Variants in NRG3 observed in about 807,000 individuals in gnomAD.
The protein encoded by NRG3 is pro-neuregulin-3, membrane-bound isoform.
A neutral mutation model predicts 66.9 loss-of-function variants in NRG3; 31 were observed. That is an observed-to-expected ratio of 0.46 (90% confidence interval 0.35 to 0.63). The LOEUF (loss-of-function observed/expected upper bound fraction) is 0.63, where lower values mean the gene tolerates loss of function less well. Ranked by LOEUF, NRG3 falls within the 20% of genes least tolerant of loss-of-function variation. The pLI is 0.00. For missense variants in NRG3, 910 were observed against 878.9 expected (o/e 1.04, Z -0.45); for synonymous variants, 393 against 359.4 (o/e 1.09, Z -1.06).
intron 1 of NRG3, among the ~76,000 whole-genome samples, chr10:82,275,754 A>G (rs1414585969): frequency 1.3e-5 from 2 of 152,044 alleles, no homozygotes; most frequent in Non-Finnish European, 2.9e-5. Context: ...TCTTAAAGAT[A>G]TAATTGGAGT....
At chr10:82,202,166 T>C (rs1179905530) in intron 1 of NRG3, among the ~76,000 whole-genome samples, 1 of 152,208 alleles carries the variant, frequency 6.6e-6, no homozygotes, top group African/African-American at 2.4e-5. Flanking sequence ...AATTCAATTC[T>C]GTCTCCTCCC....
chr10:82,456,964 T>G (rs1303501756), intron 2 of NRG3, among the ~76,000 whole-genome samples: 1 of 152,136 alleles, frequency 6.6e-6, no homozygotes. Flanking sequence ...AATGTATTAT[T>G]TCCTCTCCTT....
At chr10:82,075,757 A>C (rs1404673907) in intron 1 of NRG3, among the ~76,000 whole-genome samples, 1 of 152,008 alleles carries the variant, frequency 6.6e-6, no homozygotes, top group Non-Finnish European at 1.5e-5. Flanking sequence ...ATGAGACATT[A>C]AAGTGGCCCT....
At chr10:82,099,072 C>T (rs995567328) in intron 1 of NRG3, among the ~76,000 whole-genome samples, 10 of 152,114 alleles carry the variant, frequency 6.6e-5, no homozygotes, top group Admixed American at 4.6e-4. Flanking sequence ...GCCTAGGTAG[C>T]ATCTTGACAG....
chr10:82,711,413 C>A (rs2056657433), intron 2 of NRG3, among the ~76,000 whole-genome samples: 1 of 151,892 alleles, frequency 6.6e-6, no homozygotes, highest in South Asian at 2.1e-4. Flanking sequence ...AAGAATGTTT[C>A]TGATTTGTGT....
At chr10:82,444,619 G>A (rs2090619833) in intron 2 of NRG3, among the ~76,000 whole-genome samples, 1 of 152,172 alleles carries the variant, frequency 6.6e-6, no homozygotes, top group Non-Finnish European at 1.5e-5. Context: ...CAGGACCAAT[G>A]AAAAGGCATT....
At chr10:82,266,269 T>G (rs1012818934) in intron 1 of NRG3, among the ~76,000 whole-genome samples, 3 of 152,046 alleles carry the variant, frequency 2.0e-5, no homozygotes, top group Non-Finnish European at 4.4e-5. Context: ...GGGGAGGGTG[T>G]GTTCTATTAT....
chr10:82,301,686 C>CTATATATA (rs60882154), intron 1 of NRG3, among the ~76,000 whole-genome samples: 5,927 of 137,572 alleles, frequency 0.043, 203 homozygotes, highest in East Asian at 0.11. Context: ...ACATATATTC[C>CTATATATA]TATATATATA....
chr10:82,918,253 C>A (rs1846079458), intron 4 of NRG3, among the ~76,000 whole-genome samples: 1 of 151,972 alleles, frequency 6.6e-6, no homozygotes, highest in Non-Finnish European at 1.5e-5. Context: ...GGCAAGCATT[C>A]ACAGAGGCAG....
At chr10:82,290,571 T>G (rs2079667166) in intron 1 of NRG3, among the ~76,000 whole-genome samples, 1 of 152,126 alleles carries the variant, frequency 6.6e-6, no homozygotes, top group South Asian at 2.1e-4. Flanking sequence ...CAGTTACTTG[T>G]ATATATTTTA....
chr10:82,650,756 G>A (rs2051348180), intron 2 of NRG3, among the ~76,000 whole-genome samples: 1 of 152,130 alleles, frequency 6.6e-6, no homozygotes, highest in Non-Finnish European at 1.5e-5. Context: ...TCACGTAATT[G>A]TTTATTTGCT....
chr10:82,812,315 A>G (rs112357417), intron 3 of NRG3, among the ~76,000 whole-genome samples: 83 of 152,318 alleles, frequency 5.4e-4, no homozygotes, highest in African/African-American at 1.9e-3. Flanking sequence ...CCAAATTTAA[A>G]GATATGTGGT....
At chr10:82,018,012 C>A (rs2061870451) in intron 1 of NRG3, among the ~76,000 whole-genome samples, 1 of 152,020 alleles carries the variant, frequency 6.6e-6, no homozygotes, top group African/African-American at 2.4e-5. Context: ...GAATTTCTTG[C>A]CCATGCTTAT....
intron 2 of NRG3, among the ~76,000 whole-genome samples, chr10:82,465,297 T>C (rs568295351): frequency 1.3e-5 from 2 of 152,312 alleles, no homozygotes; most frequent in Admixed American, 1.3e-4. Flanking sequence ...CTCTCTGGGT[T>C]GTCTCAAGTC....
chr10:82,783,072 G>GT (rs1282105041), intron 3 of NRG3, among the ~76,000 whole-genome samples: 3 of 152,176 alleles, frequency 2.0e-5, no homozygotes, highest in Non-Finnish European at 4.4e-5. Context: ...ATCAATAAAT[G>GT]TAATCCAGCA....
chr10:82,725,854 C>T (rs1449368657), intron 2 of NRG3, among the ~76,000 whole-genome samples: 6 of 152,244 alleles, frequency 3.9e-5, no homozygotes, highest in Non-Finnish European at 5.9e-5. Context: ...GTAGATATTA[C>T]GTTCCCCTAC....
intron 1 of NRG3, among the ~76,000 whole-genome samples, chr10:82,107,897 T>G (rs2057660925): frequency 6.6e-6 from 1 of 152,060 alleles, no homozygotes; most frequent in South Asian, 2.1e-4. Flanking sequence ...CCAGGTAAGG[T>G]TGGTAAGTAA....
chr10:82,721,254 C>T (rs1460981754), intron 2 of NRG3, among the ~76,000 whole-genome samples: 1 of 148,686 alleles, frequency 6.7e-6, no homozygotes. Flanking sequence ...GCCTCAGCCT[C>T]CCGAGTAGCT....
At chr10:82,062,904 GT>G (rs1057281327) in intron 1 of NRG3, among the ~76,000 whole-genome samples, 13 of 152,300 alleles carry the variant, frequency 8.5e-5, no homozygotes, top group African/African-American at 3.1e-4. Context: ...TGCTTCTGGA[GT>G]GGTTTGGCCA....
Sources: allele counts gnomAD v4.1 joint callset (sites outside exome capture counted in the v4.1 genomes callset), GRCh38; gene constraint gnomAD v4.1.1; transcripts MANE v1.5; gene names NCBI Gene and HGNC (gene_info 2026-07-23, HGNC 2026-07-21).